Variants in SIDT1 observed in about 807,000 individuals in gnomAD.
The protein encoded by SIDT1 is SID1 transmembrane family member 1, also known as SID1 transmembrane family, member 1.
SIDT1 carries 101 observed loss-of-function variants against 107.5 expected under a neutral mutation model. That is an observed-to-expected ratio of 0.94 (90% CI 0.80 to 1.11). The LOEUF is 1.11. Ranked by LOEUF, SIDT1 falls within the 50% of genes least tolerant of loss-of-function variation. The pLI is 0.00. For missense variants in SIDT1, 1,076 were observed against 1,058.2 expected, an observed-to-expected ratio of 1.02 and a Z score of -0.23; for synonymous variants, 395 against 398.2, an observed-to-expected ratio of 0.99 and a Z score of 0.10.
intron 19 of SIDT1, chr3:113,615,114 T>C: frequency 2.6e-6 from 4 of 1,534,810 alleles, no homozygotes; most frequent in Admixed American, 2.0e-5. Context: ...GTCTAGATTG[T>C]TTTTGTATCA....
chr3:113,545,299 A>G (rs1009806817), intron 1 of SIDT1, among the ~76,000 whole-genome samples: 5 of 151,992 alleles, frequency 3.3e-5, no homozygotes, highest in African/African-American at 1.2e-4. Context: ...TGTTCTTTCT[A>G]CATTTATCAG....
chr3:113,573,463 A>G (rs1284561699), intron 3 of SIDT1, among the ~76,000 whole-genome samples: 1 of 152,232 alleles, frequency 6.6e-6, no homozygotes, highest in Non-Finnish European at 1.5e-5. Flanking sequence ...GAGAAACTGA[A>G]GCTATCATAA....
rs1441528661 is a variant in SIDT1 at position 113,533,048 on chromosome 3, G to C, written c.27G>C (p.Leu9=). The change falls in exon 1 of 25, where the codon CTG becomes CTC. Residue 9 remains leucine (L), a synonymous_variant. Coordinates refer to ENST00000264852, the MANE Select transcript of SIDT1 (RefSeq NM_017699.3). ...TGCGCGGCTGCCTGCGGCTCGCGCT[G>C]CTCTGCGCGCTGCCCTGGCTCCTGC... MRGCLRLA[L]LCALPWLLLA... is the part of the protein sequence containing the mutation. 1.1e-5 allele frequency: 16 copies of C among 1,441,506 alleles called. No individual in the cohort carries two copies. The highest frequency in any genetic ancestry group is 1.5e-5 in the South Asian group (1 of 68,678). The allele number at this position is 1,441,506 out of a possible 1,614,324, so 89.3% of individuals were successfully genotyped here.
chr3:113,596,805 C>A (rs1944588447), intron 10 of SIDT1, among the ~76,000 whole-genome samples: 2 of 152,182 alleles, frequency 1.3e-5, no homozygotes, highest in Admixed American at 1.3e-4. Context: ...CCACCAGGAA[C>A]TGGGGTACAA....
intron 15 of SIDT1, 134 bp downstream of exon 15, chr3:113,607,248 C>A (rs1306216638): frequency 5.0e-6 from 3 of 598,326 alleles, no homozygotes; most frequent in Non-Finnish European, 9.0e-6. Flanking sequence ...GGAACTAAAC[C>A]AAGAAGTTGA....
intron 1 of SIDT1, among the ~76,000 whole-genome samples, chr3:113,556,528 C>A (rs1027404755): frequency 6.6e-6 from 1 of 152,154 alleles, no homozygotes; most frequent in Admixed American, 6.5e-5. Flanking sequence ...CATGAAGAGT[C>A]TTGGCAGTGC....
In SIDT1 at chr3:113,567,602, A is replaced by T. The variant is rs754717058; in HGVS notation, c.407A>T (p.Asn136Ile). The change falls in exon 3 of 25, where the codon AAT (asparagine) becomes ATT (isoleucine). Residue 136 changes from asparagine (N) to isoleucine (I), a missense_variant. By Grantham distance (149) the Asn-to-Ile change is moderately radical. Coordinates refer to ENST00000264852, the MANE Select transcript of SIDT1 (RefSeq NM_017699.3). ...SRTLCPSEAT[N>I]ETGPLQQLIF... ...ACCTTATGTCCCTCAGAAGCAACCA[A>T]TGAGACGGGACCCTTGCAGCAACTG... The T allele has an allele frequency of 1.2e-6, 2 of 1,614,064 alleles. No individual in the cohort carries two copies. The highest frequency in any genetic ancestry group is 2.2e-5 in the South Asian group (2 of 91,082).
At position 113,607,263 on chromosome 3, in the gene SIDT1, A is replaced by T. The variant is rs994417559; in HGVS notation, c.1478+149A>T. On this transcript the variant is annotated intron_variant, in intron 15 of 24. Coordinates refer to ENST00000264852, the MANE Select transcript of SIDT1 (RefSeq NM_017699.3). ...GGAACTAAACCAAGAAGTTGAGACC[A>T]GGTATGCTCCTCCCGTTCCTGTATG... 2.3e-5 allele frequency: 13 copies of T among 577,752 alleles called. No individual in the cohort carries two copies. In the East Asian group the frequency reaches 3.6e-4, roughly 16 times the overall value. 35.8% of individuals were successfully genotyped at this position (577,752 alleles called of 1,614,324 possible).
At chr3:113,631,243 G>A (rs1413745412), downstream of SIDT1, among the ~76,000 whole-genome samples, 3 of 152,110 alleles carry the variant, frequency 2.0e-5, no homozygotes, top group South Asian at 2.1e-4. Flanking sequence ...GGAATGCCAC[G>A]TGCAAATGTT....
At chr3:113,573,148 T>G (rs1245350219) in intron 3 of SIDT1, among the ~76,000 whole-genome samples, 1 of 152,184 alleles carries the variant, frequency 6.6e-6, no homozygotes, top group African/African-American at 2.4e-5. Flanking sequence ...ACATGACTCC[T>G]ACAGTGATGT....
At chr3:113,595,371 G>A (rs116591091) in intron 10 of SIDT1, among the ~76,000 whole-genome samples, 3,040 of 152,140 alleles carry the variant, frequency 0.02, 100 homozygotes, top group African/African-American at 0.068. Context: ...CTAGGAGTTC[G>A]AGACCAGCCT....
At chr3:113,617,066 C>T (rs1419521607) in intron 20 of SIDT1, among the ~76,000 whole-genome samples, 1 of 152,056 alleles carries the variant, frequency 6.6e-6, no homozygotes, top group Non-Finnish European at 1.5e-5. Flanking sequence ...AGACAGTGTA[C>T]CCTTATAAAT....
At chr3:113,583,545 G>A (rs775888835) in intron 7 of SIDT1, 49 bp downstream of exon 7, 5 of 1,370,004 alleles carry the variant, frequency 3.6e-6, no homozygotes, top group Admixed American at 3.5e-5. Flanking sequence ...CCTGAAGGAA[G>A]GGAGTGAAAG....
chr3:113,615,237 T>C (rs1207001499), intron 19 of SIDT1, among the ~76,000 whole-genome samples: 1 of 152,192 alleles, frequency 6.6e-6, no homozygotes, highest in African/African-American at 2.4e-5. Flanking sequence ...GAGGCTGCAC[T>C]CCACCCTAGC....
At chr3:113,622,049 A>C (rs1390217092) in intron 21 of SIDT1, among the ~76,000 whole-genome samples, 5 of 152,242 alleles carry the variant, frequency 3.3e-5, no homozygotes, top group Non-Finnish European at 5.9e-5. Flanking sequence ...TAAAATAGTG[A>C]GGCACCGATC....
Position 113,625,873 on chromosome 3 carries a change from C to T in SIDT1, c.2308-229C>T, listed in dbSNP as rs1196878713. 4 of 461,798 alleles carry T rather than the reference C, an allele frequency of 8.7e-6. No homozygotes were observed. The Admixed American group carries it at 1.2e-4, about 14-fold the overall frequency. The allele number at this position is 461,798 out of a possible 1,614,324, so 28.6% of individuals were successfully genotyped here. ...TTCACTTTGTTCGTCATTTCCTTTGCTGTGCAGAAGCTTCGTAGCTTGATG... is the reference window on the plus strand; with the variant it reads ...TTCACTTTGTTCGTCATTTCCTTTGTTGTGCAGAAGCTTCGTAGCTTGATG... On this transcript the variant is annotated intron_variant, in intron 23 of 24. Transcript: ENST00000264852.
intron 15 of SIDT1, among the ~76,000 whole-genome samples, chr3:113,607,623 G>A (rs960125148): frequency 6.6e-6 from 1 of 152,220 alleles, no homozygotes. Context: ...CTAGCCTCTT[G>A]CTCCAGAGCT....
chr3:113,544,081 T>G (rs1302656503), intron 1 of SIDT1, among the ~76,000 whole-genome samples: 1 of 143,330 alleles, frequency 7.0e-6, no homozygotes, highest in Non-Finnish European at 1.6e-5. Flanking sequence ...AAAAGGTTTT[T>G]TGTTTTGTTT....
chr3:113,577,977 C>A (rs946666426), intron 4 of SIDT1, among the ~76,000 whole-genome samples: 3 of 152,294 alleles, frequency 2.0e-5, no homozygotes, highest in African/African-American at 7.2e-5. Flanking sequence ...CTCTCCCAAG[C>A]CTGAATGAAC....
Sources: gnomAD v4.1 joint callset for allele counts (sites outside exome capture counted in the v4.1 genomes callset) on GRCh38, gnomAD v4.1.1 for gene constraint, MANE v1.5 for transcripts, NCBI Gene and HGNC (gene_info 2026-07-23, HGNC 2026-07-21) for gene names.